PLEC: variants seen among roughly 807,000 people sequenced by gnomAD.
PLEC encodes the protein hemidesmosomal protein 1.
Under a neutral mutation model 392.8 loss-of-function variants are expected in PLEC, and 216 were observed. That is an observed-to-expected ratio of 0.55 (90% CI 0.49 to 0.62). PLEC has a LOEUF of 0.62. Ranked by LOEUF, PLEC falls within the 20% of genes least tolerant of loss-of-function variation. PLEC has a pLI of 0.00. For synonymous variants in PLEC, 3,621 were observed against 2,980.6 expected (o/e 1.21, Z -7.00); for missense variants, 6,863 against 6,563.4 (o/e 1.05, Z -1.58).
upstream of PLEC, chr8:143,975,095 C>A (rs1833612041): frequency 2.0e-6 from 3 of 1,487,976 alleles, no homozygotes; most frequent in African/African-American, 4.1e-5. This position sits in a 1 kb window ranked among gnomAD's most constrained non-coding sequence, Gnocchi z 9.9. Context: ...ACCCAGTCCC[C>A]GCTCCAGCGC....
At chr8:143,933,473 T>C (rs1185154745) in intron 12 of PLEC, 122 bp from the exon 13 acceptor site, 3 of 1,179,244 alleles carry the variant, frequency 2.5e-6, no homozygotes, top group African/African-American at 3.0e-5. Flanking sequence ...CCTCCATCCC[T>C]GTCCTTCCCC....
In PLEC at chr8:143,920,030, G is replaced by A. The variant is rs200413602; in HGVS notation, c.9791C>T (p.Ala3264Val). 86 of 1,613,184 alleles carry A rather than the reference G, an allele frequency of 5.3e-5. No homozygotes were observed. The African/African-American group carries it at 6.7e-4, about 13-fold the overall frequency. Residue 3264 changes from alanine to valine, a missense_variant, in exon 32 of 32, where the codon GCG (alanine) becomes GTG (valine). By Grantham distance (64) the Ala-to-Val change is moderately conservative. Coordinates refer to ENST00000345136, the MANE Select transcript of PLEC (RefSeq NM_201384.3). ...WELISSEYFTAEQRQELLRQF... is the reference protein window; with the variant it reads ...WELISSEYFTVEQRQELLRQF... The stretch of plus-strand genomic sequence containing the variant: ...ACGCAACAGCTCCTGCCGCTGCTCC[G>A]CAGTGAAGTACTCAGAGCTGATGAG...
intron 1 of PLEC, among the ~76,000 whole-genome samples, chr8:143,966,408 A>C (rs532174501): frequency 6.6e-6 from 1 of 152,268 alleles, no homozygotes; most frequent in Non-Finnish European, 1.5e-5. Flanking sequence ...TCTCACAGGC[A>C]TCTCTGATTT....
intron 1 of PLEC, among the ~76,000 whole-genome samples, chr8:143,966,629 C>A (rs1159013603): frequency 6.6e-6 from 1 of 152,218 alleles, no homozygotes; most frequent in Non-Finnish European, 1.5e-5. Context: ...ACACCTGCCA[C>A]AGGACAGGGC....
Position 143,921,276 on chromosome 8 carries a change from C to T in PLEC, c.8545G>A (p.Asp2849Asn), listed in dbSNP as rs200360391. 4.8e-5 allele frequency: 78 copies of T among 1,613,984 alleles called. No homozygotes were observed. The highest frequency in any genetic ancestry group is 3.8e-4 in the East Asian group (17 of 44,888). The change falls in exon 32 of 32, where the codon GAC (aspartate) becomes AAC (asparagine). Residue 2849 changes from aspartate to asparagine, a missense_variant. Transcript: ENST00000345136. ...MNRVLADPSD[D>N]TKGFFDPNTH... ...TTGGGGTCAAAGAAGCCCTTGGTGT[C>T]GTCGCTGGGGTCCGCCAGGACGCGG... is the stretch of plus-strand genomic sequence containing the variant.
chr8:143,922,281 C>T lies in PLEC; in HGVS notation c.7540G>A (p.Ala2514Thr), dbSNP rs1304886778. The change falls in exon 32 of 32, where the codon GCC becomes ACC. Residue 2514 changes from alanine to threonine, a missense_variant. Coordinates refer to ENST00000345136, the MANE Select transcript of PLEC (RefSeq NM_201384.3). ...TCCTGGAAGAGCTGCTCCAGCTTGGCCTTCTCCTGCTCGATGAAGCGCTCC... is the reference window on the plus strand; with the variant it reads ...TCCTGGAAGAGCTGCTCCAGCTTGGTCTTCTCCTGCTCGATGAAGCGCTCC... ...QRERFIEQEK[A>T]KLEQLFQDEV... The T allele has an allele frequency of 1.9e-6, 3 of 1,605,794 alleles. No homozygotes were observed. Among genetic ancestry groups the T allele is most frequent in the Non-Finnish European group, 2.5e-6 (3 of 1,178,972 alleles).
In PLEC at chr8:143,934,854, C is replaced by T. The variant is rs573432728; in HGVS notation, c.901G>A (p.Ala301Thr). Residue 301 changes from alanine to threonine, a missense_variant, in exon 9 of 32, where the codon GCC (alanine) becomes ACC (threonine). By Grantham distance (58) the Ala-to-Thr change is moderately conservative. Transcript: ENST00000345136. Reference sequence around the variant, plus strand: ...GAGGGGAACCTGCGTTCCTCAAAGGCGGCCGTGTGGTGTCGCATCCACTGA... The same window carrying T: ...GAGGGGAACCTGCGTTCCTCAAAGGTGGCCGTGTGGTGTCGCATCCACTGA... ...LLQWMRHHTA[A>T]FEERRFPSSF... The T allele has an allele frequency of 2.8e-5, 45 of 1,611,338 alleles. No homozygotes were observed. In the African/African-American group the frequency reaches 4.4e-4, roughly 16 times the overall value.
chr8:143,937,213 G>T lies in PLEC; in HGVS notation c.294C>A (p.His98Gln). ...GGGCAATCTGGACATTCTGCAGCTT[G>T]TGGAAACGCATCCTCCCCTTCTCCC... ...LPREKGRMRF[H>Q]KLQNVQIALD... The change falls in exon 4 of 32, where the codon CAC becomes CAA. Residue 98 changes from histidine to glutamine, a missense_variant. His to Gln is a conservative substitution (Grantham distance 24). Coordinates refer to ENST00000345136, the MANE Select transcript of PLEC (RefSeq NM_201384.3). The T allele has an allele frequency of 6.2e-7, 1 of 1,612,794 alleles. No individual in the cohort carries two copies. Among genetic ancestry groups the T allele is most frequent in the Non-Finnish European group, 8.5e-7 (1 of 1,179,792 alleles).
rs1406746195 is a variant in PLEC at position 143,918,912 on chromosome 8, G to T, written c.10909C>A (p.Leu3637Met). ...CGGCGCACGTAGTCGTAGGAGGCCA[G>T]ACCCTGCTGGCGGATGATCTCTGTC... ...EKTEIIRQQG[L>M]ASYDYVRRRL... is the part of the protein sequence containing the mutation. The change falls in exon 32 of 32, where the codon CTG becomes ATG. Residue 3637 changes from leucine to methionine, a missense_variant. By Grantham distance (15) the Leu-to-Met change is conservative. Coordinates refer to ENST00000345136, the MANE Select transcript of PLEC (RefSeq NM_201384.3). 3 of 1,611,178 alleles carry T rather than the reference G, an allele frequency of 1.9e-6. No homozygotes were observed. The highest frequency in any genetic ancestry group is 2.5e-6 in the Non-Finnish European group (3 of 1,180,024).
chr8:143,937,138 G>A, intron 4 of PLEC, 27 bp downstream of exon 4: 2 of 1,609,196 alleles, frequency 1.2e-6, no homozygotes, highest in African/African-American at 1.3e-5. Context: ...GTCTGGGTGG[G>A]GCCCAGGGCC....
chr8:143,932,368 G>C (rs374353938), intron 16 of PLEC, 32 bp downstream of exon 16: 7 of 1,611,962 alleles, frequency 4.3e-6, no homozygotes, highest in African/African-American at 4.0e-5. Context: ...GGAGGGGGCT[G>C]TGGGGTTCAG....
At chr8:143,967,870 A>G (rs1290516768) in intron 1 of PLEC, among the ~76,000 whole-genome samples, 3 of 152,158 alleles carry the variant, frequency 2.0e-5, no homozygotes, top group Non-Finnish European at 4.4e-5. Context: ...GGTGGCTCAC[A>G]CCTGTAACCC....
chr8:143,923,545 C>T lies in PLEC; in HGVS notation c.6384G>A (p.Arg2128=). 6.3e-7 allele frequency: 1 copy of T among 1,598,772 alleles called. No homozygotes were observed. Among genetic ancestry groups the T allele is most frequent in the Non-Finnish European group, 8.5e-7 (1 of 1,178,308 alleles). ...TCTCTGCAGCCGCCTGTGCCTGAGC[C>T]CGGGCCTGTGCCTGCTCCTCTGCCG... ...KQSAEEQAQA[R]AQAQAAAEKL... is the part of the protein sequence containing the mutation. Residue 2128 remains arginine (R), a synonymous_variant, in exon 31 of 32, where the codon CGG becomes CGA. Transcript: ENST00000345136.
At position 143,923,184 on chromosome 8, in the gene PLEC, C is replaced by T; in HGVS notation, c.6745G>A (p.Ala2249Thr). ...ELSKLKARIE[A>T]ENRALILRDK... ...CGCAAGATGAGTGCGCGGTTCTCAGCCTCGATGCGTGCCTTGAGCTTGCTC... is the reference window on the plus strand; with the variant it reads ...CGCAAGATGAGTGCGCGGTTCTCAGTCTCGATGCGTGCCTTGAGCTTGCTC... The change falls in exon 31 of 32, where the codon GCT (alanine) becomes ACT (threonine). Residue 2249 changes from alanine to threonine, a missense_variant. Ala to Thr is a moderately conservative substitution (Grantham distance 58). Coordinates refer to ENST00000345136, the MANE Select transcript of PLEC (RefSeq NM_201384.3). 1 of 1,602,540 alleles carries T rather than the reference C, an allele frequency of 6.2e-7. No homozygotes were observed. Among genetic ancestry groups the T allele is most frequent in the Non-Finnish European group, 8.5e-7 (1 of 1,179,890 alleles).
At chr8:143,930,596 C>G (rs1210587138) in intron 19 of PLEC, 60 bp from the exon 20 acceptor site, 1 of 1,535,500 alleles carries the variant, frequency 6.5e-7, no homozygotes, top group Non-Finnish European at 8.8e-7. Context: ...CTGCCCCAGG[C>G]ACCCCCAGAC....
chr8:143,946,178 C>A (rs532258105), intron 1 of PLEC, among the ~76,000 whole-genome samples: 6 of 152,356 alleles, frequency 3.9e-5, no homozygotes, highest in South Asian at 2.1e-4. Flanking sequence ...CCTGTGCTTC[C>A]GGGACACACA....
At chr8:143,939,268 G>C in intron 1 of PLEC, 82 bp downstream of exon 1, 2 of 1,531,322 alleles carry the variant, frequency 1.3e-6, no homozygotes, top group Admixed American at 1.9e-5. Flanking sequence ...CGGTGCCAAG[G>C]CTTTCCTGCC....
At chr8:143,938,118 G>C in intron 3 of PLEC, 33 bp downstream of exon 3, 1 of 1,530,486 alleles carries the variant, frequency 6.5e-7, no homozygotes, top group East Asian at 2.3e-5. Context: ...AGGTGGGGCA[G>C]GCGGGGCCCG....
At chr8:143,975,260 T>A, upstream of PLEC, 1 of 1,609,026 alleles carries the variant, frequency 6.2e-7, no homozygotes, top group Non-Finnish European at 8.5e-7. This position sits in a 1 kb window ranked among gnomAD's most constrained non-coding sequence, Gnocchi z 9.9. Flanking sequence ...CCGGCTCCGC[T>A]GCGTTTTCCC....
Sources: gnomAD v4.1 joint callset for allele counts (sites outside exome capture counted in the v4.1 genomes callset) on GRCh38, gnomAD v4.1.1 for gene constraint, Gnocchi (gnomAD v3.1) non-coding constraint, MANE v1.5 for transcripts, NCBI Gene and HGNC (gene_info 2026-07-23, HGNC 2026-07-21) for gene names.